Variants in RBFOX1 observed in about 807,000 individuals in gnomAD.
RBFOX1 encodes RNA binding protein fox-1 homolog 1.
A neutral mutation model predicts 57.7 loss-of-function variants in RBFOX1; 8 were observed. The observed-to-expected ratio is 0.14, with a 90% CI of 0.08 to 0.25. RBFOX1 has a LOEUF of 0.25. RBFOX1 is among the 10% of genes least tolerant of loss of function. The pLI is 1.00. For missense variants in RBFOX1, 611 were observed against 548.5 expected (o/e 1.11, Z -1.14); for synonymous variants, 326 against 222.4 (o/e 1.47, Z -4.15).
chr16:5,917,723 C>T (rs1023571747), intron 4 of RBFOX1, among the ~76,000 whole-genome samples: 1 of 152,210 alleles, frequency 6.6e-6, no homozygotes, highest in Non-Finnish European at 1.5e-5. Context: ...CATAACCTCT[C>T]CCTTGCTTCA....
chr16:6,866,613 C>T (rs898214642), intron 3 of RBFOX1, among the ~76,000 whole-genome samples: 1 of 129,584 alleles, frequency 7.7e-6, no homozygotes. Context: ...GCGATCTCGG[C>T]TCACTGCAAG....
chr16:5,797,339 C>T (rs1441774470), intron 3 of RBFOX1, among the ~76,000 whole-genome samples: 1 of 152,234 alleles, frequency 6.6e-6, no homozygotes, highest in Non-Finnish European at 1.5e-5. Flanking sequence ...TCCACACCCA[C>T]TTCTTGGGAC....
intron 4 of RBFOX1, among the ~76,000 whole-genome samples, chr16:5,915,239 C>T (rs1177998220): frequency 6.6e-6 from 1 of 152,182 alleles, no homozygotes; most frequent in African/African-American, 2.4e-5. Flanking sequence ...TCAAGATCAT[C>T]ACTAATTTGA....
chr16:5,901,887 A>G (rs1053873387), intron 4 of RBFOX1, among the ~76,000 whole-genome samples: 49 of 152,142 alleles, frequency 3.2e-4, no homozygotes, highest in Admixed American at 3.1e-3. Flanking sequence ...ATGCCCAAGC[A>G]TTCTTGATCT....
At chr16:5,313,876 A>G (rs888324094) in intron 1 of RBFOX1, among the ~76,000 whole-genome samples, 3 of 141,594 alleles carry the variant, frequency 2.1e-5, no homozygotes, top group African/African-American at 7.5e-5. Flanking sequence ...TCAAAGACTT[A>G]TGGGTGGGCT....
intron 3 of RBFOX1, among the ~76,000 whole-genome samples, chr16:6,672,930 C>A (rs1007870698): frequency 6.6e-6 from 1 of 152,090 alleles, no homozygotes; most frequent in Non-Finnish European, 1.5e-5. Context: ...CAGGCAAGGG[C>A]GTGTGGGATG....
intron 5 of RBFOX1, among the ~76,000 whole-genome samples, chr16:7,570,171 T>C (rs1047524285): frequency 5.4e-5 from 8 of 147,436 alleles, no homozygotes; most frequent in Middle Eastern, 3.5e-3. Flanking sequence ...TACTTTTTTT[T>C]TTTTTTTAAA....
At chr16:6,495,221 C>T (rs914804306) in intron 2 of RBFOX1, among the ~76,000 whole-genome samples, 7 of 152,210 alleles carry the variant, frequency 4.6e-5, no homozygotes, top group East Asian at 1.9e-4. Flanking sequence ...CGGATTCAAG[C>T]GATTCTTTTG....
At chr16:6,753,837 G>A (rs1023523668) in intron 3 of RBFOX1, among the ~76,000 whole-genome samples, 1 of 152,078 alleles carries the variant, frequency 6.6e-6, no homozygotes, top group African/African-American at 2.4e-5. Flanking sequence ...CTGGGCTTGA[G>A]GGATTTTTGC....
chr16:7,528,769 G>C (rs1043559867), intron 5 of RBFOX1, among the ~76,000 whole-genome samples: 1 of 152,108 alleles, frequency 6.6e-6, no homozygotes, highest in African/African-American at 2.4e-5. Flanking sequence ...TAGTCTTTAG[G>C]TGCATAGTAA....
chr16:6,009,648 T>C (rs954082796), intron 4 of RBFOX1, among the ~76,000 whole-genome samples: 8 of 152,036 alleles, frequency 5.3e-5, no homozygotes, highest in Admixed American at 3.3e-4. Flanking sequence ...AGAAGGGAAA[T>C]ATCCATGCAC....
chr16:6,676,140 G>GCA (rs1403756143), intron 3 of RBFOX1, among the ~76,000 whole-genome samples: 13 of 27,832 alleles, frequency 4.7e-4, no homozygotes, highest in African/African-American at 8.3e-4. Flanking sequence ...ACACACACAC[G>GCA]CGCACACACA....
chr16:6,370,981 A>G (rs1015872166), intron 2 of RBFOX1, among the ~76,000 whole-genome samples: 1 of 152,182 alleles, frequency 6.6e-6, no homozygotes. Flanking sequence ...CTGTTTCTTT[A>G]TGATCCCAGT....
intron 3 of RBFOX1, among the ~76,000 whole-genome samples, chr16:5,851,969 G>A (rs12162069): frequency 0.045 from 6,809 of 152,180 alleles, 249 homozygotes; most frequent in East Asian, 0.2. Flanking sequence ...CACCACTTAC[G>A]AGCCATATGA....
intron 4 of RBFOX1, among the ~76,000 whole-genome samples, chr16:7,433,889 C>T (rs1374661701): frequency 1.3e-5 from 2 of 152,166 alleles, no homozygotes; most frequent in African/African-American, 4.8e-5. Context: ...TAAATGAGGC[C>T]ATCTCCAAAG....
intron 4 of RBFOX1, among the ~76,000 whole-genome samples, chr16:5,940,108 CCGT>C (rs2059249630): frequency 6.6e-6 from 1 of 152,180 alleles, no homozygotes; most frequent in East Asian, 1.9e-4. Flanking sequence ...AAGGCTCACC[CCGT>C]ATTCCACACT....
chr16:6,682,258 A>G (rs1048620884), intron 3 of RBFOX1, among the ~76,000 whole-genome samples: 2 of 152,188 alleles, frequency 1.3e-5, no homozygotes, highest in Non-Finnish European at 2.9e-5. Context: ...ACTCTCAGAT[A>G]GGAAGCACAC....
chr16:6,769,888 A>C (rs1013002718), intron 3 of RBFOX1, among the ~76,000 whole-genome samples: 4 of 152,212 alleles, frequency 2.6e-5, no homozygotes, highest in Non-Finnish European at 5.9e-5. Flanking sequence ...TTTGAAATCA[A>C]AGTTCAGATT....
intron 1 of RBFOX1, among the ~76,000 whole-genome samples, 200 bp from the exon 2 acceptor site, chr16:6,316,795 G>C (rs1314807758): frequency 1.3e-5 from 2 of 152,132 alleles, no homozygotes; most frequent in Non-Finnish European, 2.9e-5. Flanking sequence ...TTCTTTGCCA[G>C]GATCTGAGAG....
Sources: allele counts gnomAD v4.1 joint callset (sites outside exome capture counted in the v4.1 genomes callset), GRCh38; gene constraint gnomAD v4.1.1; transcripts MANE v1.5; gene names NCBI Gene and HGNC (gene_info 2026-07-23, HGNC 2026-07-21).